Variants in TMIGD2 observed in about 807,000 individuals in gnomAD.
TMIGD2 encodes the protein transmembrane and immunoglobulin domain containing 2.
A neutral mutation model predicts 22.6 loss-of-function variants in TMIGD2; 18 were observed. That is an observed-to-expected ratio of 0.80 (90% confidence interval 0.55 to 1.18). The LOEUF is 1.18. TMIGD2 is among the 50% of genes most tolerant of loss of function. TMIGD2 has a pLI of 0.00. For synonymous variants in TMIGD2, 184 were observed against 154.1 expected (o/e 1.19, Z -1.44); for missense variants, 361 against 378.2 (o/e 0.95, Z 0.38).
At position 4,294,836 on chromosome 19, in the gene TMIGD2, G is replaced by A. The variant is rs1344601888; in HGVS notation, c.407-20C>T. 6.5e-7 allele frequency: 1 copy of A among 1,536,804 alleles called. No homozygotes were observed. The highest frequency in any genetic ancestry group is 1.4e-5 in the African/African-American group (1 of 71,780). ...GGTCATCTGCAGAGAAGAAATCTAT[G>A]TCACGGGGGTGCCAGGCTTCTCCAC... On this transcript the variant is annotated intron_variant, in intron 2 of 4. Coordinates refer to ENST00000301272, the Ensembl canonical transcript of TMIGD2.
chr19:4,296,815 C>T (rs569482140), intron 2 of TMIGD2, among the ~76,000 whole-genome samples: 1 of 152,252 alleles, frequency 6.6e-6, no homozygotes, highest in Admixed American at 6.5e-5. Flanking sequence ...GACAGAGGCC[C>T]GGGGCCCACA....
intron 1 of TMIGD2, 73 bp from the exon 2 acceptor site, chr19:4,298,418 TG>T (rs1444416540): frequency 6.7e-7 from 1 of 1,482,946 alleles, no homozygotes; most frequent in Admixed American, 2.3e-5. Flanking sequence ...ACTCCCCTAG[TG>T]AGCCCGCAGT....
At chr19:4,292,996 C>G (rs1382186394) in intron 4 of TMIGD2, 111 bp from the exon 5 acceptor site, 5 of 1,510,506 alleles carry the variant, frequency 3.3e-6, no homozygotes, top group Non-Finnish European at 4.4e-6. Flanking sequence ...CGGAGTCTCA[C>G]TCTGTCGCCC....
rs2144731409 is a variant in TMIGD2 at position 4,294,613 on chromosome 19, G to C, written c.516C>G (p.Phe172Leu). 6 of 1,610,542 alleles carry C rather than the reference G, an allele frequency of 3.7e-6. No individual in the cohort carries two copies. The South Asian group carries it at 6.6e-5, about 18-fold the overall frequency. The change falls in exon 4 of 5, where the codon TTC (phenylalanine) becomes TTG (leucine). Residue 172 changes from phenylalanine (F) to leucine (L), a missense_variant. Physicochemically the swap from Phe to Leu is conservative, Grantham distance 22. Transcript: ENST00000301272. ...TTTGCTGGCAGCTGCGGCGGCCCCA[G>C]AACCAGGCACCCCACACGATCGCAG...
At chr19:4,293,510 G>T (rs909942847) in intron 4 of TMIGD2, among the ~76,000 whole-genome samples, 26 of 146,752 alleles carry the variant, frequency 1.8e-4, no homozygotes, top group African/African-American at 5.3e-4. Flanking sequence ...TTCGCCCGCC[G>T]TGGCCTCCCA....
At chr19:4,292,241 A>G (rs1971389435) in exon 5 of TMIGD2, 1 of 281,350 alleles carries the variant, frequency 3.6e-6, no homozygotes, top group East Asian at 1.4e-4. Flanking sequence ...CTTTTTCTTC[A>G]CAAGCCTTTA....
chr19:4,292,247 C>T (rs188609479), exon 5 of TMIGD2: 1 of 292,724 alleles, frequency 3.4e-6, no homozygotes, highest in Admixed American at 5.3e-5. Flanking sequence ...CTTCACAAGC[C>T]TTTATTAGGT....
intron 4 of TMIGD2, among the ~76,000 whole-genome samples, chr19:4,293,723 A>G (rs921119509): frequency 6.6e-6 from 1 of 151,752 alleles, no homozygotes; most frequent in Non-Finnish European, 1.5e-5. Context: ...CAGCCTCCCA[A>G]GTAGCTGGGA....
chr19:4,298,469 G>T, intron 1 of TMIGD2, 124 bp from the exon 2 acceptor site: 1 of 1,376,482 alleles, frequency 7.3e-7, no homozygotes, highest in Non-Finnish European at 9.5e-7. Context: ...GGGTGCAGTG[G>T]CTCACGCCTG....
chr19:4,299,977 T>C (rs1011883220), intron 1 of TMIGD2, among the ~76,000 whole-genome samples: 5 of 152,006 alleles, frequency 3.3e-5, no homozygotes, highest in Non-Finnish European at 5.9e-5. Flanking sequence ...CCTGGGTTCA[T>C]GGGCCGGGTG....
intron 4 of TMIGD2, among the ~76,000 whole-genome samples, chr19:4,293,365 A>T (rs1392312821): frequency 3.4e-5 from 5 of 146,794 alleles, no homozygotes; most frequent in Non-Finnish European, 7.4e-5. Context: ...GGTTCAAGTG[A>T]TTCTCCTGCC....
intron 2 of TMIGD2, among the ~76,000 whole-genome samples, chr19:4,297,451 C>T (rs1484784055): frequency 6.6e-6 from 1 of 152,188 alleles, no homozygotes; most frequent in African/African-American, 2.4e-5. Context: ...CTCACTGCAG[C>T]CTCCAGCTCC....
chr19:4,295,940 A>G (rs1278233451), intron 2 of TMIGD2, among the ~76,000 whole-genome samples: 1 of 152,016 alleles, frequency 6.6e-6, no homozygotes, highest in East Asian at 1.9e-4. Flanking sequence ...TTTTCTGGAG[A>G]CAGGGTCGCT....
Position 4,301,243 on chromosome 19 carries a change from T to C in TMIGD2, c.46+1097A>G, listed in dbSNP as rs184338521. Among the ~76,000 whole-genome samples, 137 of 152,222 alleles carry C rather than the reference T, an allele frequency of 9.0e-4. No homozygotes were observed. In the Middle Eastern group the frequency reaches 0.01, roughly 11 times the overall value. ...CTGCCTCAGTCTCCAATTTAAGTTT[T>C]AATAAAAAGACCTTGGTTGGGTGTG... On this transcript the variant is annotated intron_variant, in intron 1 of 4. Transcript: ENST00000301272.
intron 2 of TMIGD2, among the ~76,000 whole-genome samples, chr19:4,295,504 G>C (rs1014582585): frequency 2.0e-5 from 3 of 151,734 alleles, no homozygotes; most frequent in African/African-American, 7.3e-5. Flanking sequence ...AGCTTGCAGT[G>C]AGCCAAGATC....
rs1252807936 is a variant in TMIGD2 at position 4,292,629 on chromosome 19, T to C, written c.819A>G (p.Pro273=). Residue 273 remains proline (P), a synonymous_variant, in exon 5 of 5, where the codon CCA becomes CCG. Transcript: ENST00000301272. Reference sequence around the variant, plus strand: ...CCTCTCCCACTTTGGGGAACCCTTTTGGCCTCGGCTGCTGGGTGGGGCTTG... The same window carrying C: ...CCTCTCCCACTTTGGGGAACCCTTTCGGCCTCGGCTGCTGGGTGGGGCTTG... 3 of 1,613,042 alleles carry C rather than the reference T, an allele frequency of 1.9e-6. No homozygotes were observed. The East Asian group carries it at 6.7e-5, about 36-fold the overall frequency.
At chr19:4,300,192 T>C (rs1164573270) in intron 1 of TMIGD2, among the ~76,000 whole-genome samples, 597 of 126,582 alleles carry the variant, frequency 4.7e-3, no homozygotes, top group Middle Eastern at 0.02. Flanking sequence ...ACCCGGGAGG[T>C]GGAGGTTGCA....
At chr19:4,294,626 C>A (rs58237134) in exon 4 of TMIGD2, 336,463 of 1,608,458 alleles carry the variant, frequency 0.21, 36,506 homozygotes, top group Middle Eastern at 0.29. Context: ...CCAGGCACCC[C>A]ACACGATCGC....
intron 4 of TMIGD2, among the ~76,000 whole-genome samples, chr19:4,293,183 G>A (rs905798944): frequency 1.3e-5 from 2 of 150,916 alleles, no homozygotes; most frequent in Non-Finnish European, 2.9e-5. Flanking sequence ...GGATGGTCTT[G>A]ATCTCCTGAC....
Sources: gnomAD v4.1 joint callset for allele counts (sites outside exome capture counted in the v4.1 genomes callset) on GRCh38, gnomAD v4.1.1 for gene constraint, MANE v1.5 for transcripts, NCBI Gene and HGNC (gene_info 2026-07-23, HGNC 2026-07-21) for gene names.